The following ZBTB20 variants were observed in gnomAD, a reference collection of about 807,000 sequenced individuals.
ZBTB20 encodes the protein zinc finger and BTB domain-containing protein 20.
Under a neutral mutation model 56.9 loss-of-function variants are expected in ZBTB20, and 9 were observed. The observed-to-expected ratio is 0.16, with a 90% CI of 0.10 to 0.28. The LOEUF is 0.28. ZBTB20 is among the 10% of genes least tolerant of loss of function. The pLI, the probability that ZBTB20 is intolerant of heterozygous loss-of-function variation, is 1.00. For missense variants in ZBTB20, 655 were observed against 1,003.0 expected (o/e 0.65, Z 4.69); for synonymous variants, 417 against 420.7 (o/e 0.99, Z 0.11).
At chr3:114,660,254 G>A (rs1017750943) in intron 6 of ZBTB20, among the ~76,000 whole-genome samples, 1 of 152,086 alleles carries the variant, frequency 6.6e-6, no homozygotes, top group African/African-American at 2.4e-5. Context: ...TCAGGCTTTC[G>A]TTTCCCTCGG....
rs777258949 is a variant in ZBTB20 at position 114,947,806 on chromosome 3, A to G, written c.-456+26560T>C. ...TGTACACCATAATTTTACACAAATA[A>G]AAGATAAAATAAAAAAGTCTTTCCA... On this transcript the variant is annotated intron_variant, in intron 3 of 11. Coordinates refer to ENST00000675478, the MANE Select transcript of ZBTB20 (RefSeq NM_001348800.3). Among the ~76,000 whole-genome samples the G allele has an allele frequency of 8.2e-5, 12 of 146,132 alleles. 1 individual carries two copies. The highest frequency in any genetic ancestry group is 1.3e-4 in the Non-Finnish European group (9 of 67,840).
chr3:114,410,163 G>C (rs2087787980), intron 7 of ZBTB20, among the ~76,000 whole-genome samples: 1 of 152,208 alleles, frequency 6.6e-6, no homozygotes, highest in East Asian at 1.9e-4. Context: ...ATGGATGCCA[G>C]GACATGGGAA....
chr3:114,519,561 G>C (rs1291379823), intron 6 of ZBTB20: 2 of 152,160 alleles, frequency 1.3e-5, no homozygotes, highest in African/African-American at 4.8e-5. Flanking sequence ...GGAAACTTCT[G>C]TCGTGCCAGA....
At chr3:114,726,723 T>A (rs571474753) in intron 5 of ZBTB20, among the ~76,000 whole-genome samples, 2 of 150,888 alleles carry the variant, frequency 1.3e-5, no homozygotes, top group East Asian at 3.9e-4. Context: ...TCATCCTGGC[T>A]AACATGGTGA....
chr3:115,023,653 C>T (rs1209199652), intron 2 of ZBTB20, among the ~76,000 whole-genome samples: 3 of 150,690 alleles, frequency 2.0e-5, no homozygotes, highest in African/African-American at 7.3e-5. Context: ...TACTTTTTTC[C>T]TTTTTTAAAT....
At chr3:114,629,262 TTAATA>T (rs2058806769) in intron 6 of ZBTB20, among the ~76,000 whole-genome samples, 1 of 152,190 alleles carries the variant, frequency 6.6e-6, no homozygotes, top group Admixed American at 6.5e-5. Flanking sequence ...CTTCTATTAA[TTAATA>T]TGAGGATCCA....
chr3:114,796,732 ATAG>A (rs2071364317), intron 5 of ZBTB20, among the ~76,000 whole-genome samples: 1 of 151,994 alleles, frequency 6.6e-6, no homozygotes, highest in South Asian at 2.1e-4. Flanking sequence ...AGAAGCTAGG[ATAG>A]TCAAAAGCAG....
At chr3:114,765,544 T>C (rs180840176) in intron 5 of ZBTB20, among the ~76,000 whole-genome samples, 8 of 152,260 alleles carry the variant, frequency 5.3e-5, no homozygotes, top group Admixed American at 5.2e-4. Flanking sequence ...CCATCCCTTC[T>C]AATAGCTTGA....
At chr3:115,021,046 T>C (rs2080182024) in intron 2 of ZBTB20, among the ~76,000 whole-genome samples, 1 of 151,014 alleles carries the variant, frequency 6.6e-6, no homozygotes, top group Non-Finnish European at 1.5e-5. Flanking sequence ...TGTAGGTTTT[T>C]TATCCTTTAG....
At chr3:114,939,311 C>A (rs553879255) in intron 3 of ZBTB20, among the ~76,000 whole-genome samples, 8 of 146,280 alleles carry the variant, frequency 5.5e-5, no homozygotes, top group Non-Finnish European at 1.0e-4. Context: ...ATTTAAATGT[C>A]CAAGCATAAG....
At chr3:114,343,850 C>A (rs1006021828) in intron 11 of ZBTB20, among the ~76,000 whole-genome samples, 2 of 152,026 alleles carry the variant, frequency 1.3e-5, no homozygotes, top group African/African-American at 4.8e-5. Flanking sequence ...GAGGCCGAGA[C>A]CGGCCTGACC....
chr3:114,400,101 G>C (rs1044252486), intron 7 of ZBTB20, among the ~76,000 whole-genome samples: 2 of 152,114 alleles, frequency 1.3e-5, no homozygotes, highest in Admixed American at 6.6e-5. Context: ...TTGTCAACAA[G>C]CTTTGTAGCA....
At chr3:114,968,827 C>T (rs544902446) in intron 3 of ZBTB20, among the ~76,000 whole-genome samples, 1 of 152,094 alleles carries the variant, frequency 6.6e-6, no homozygotes, top group South Asian at 2.1e-4. Flanking sequence ...TAAAGTAAGC[C>T]AGGTTTACAA....
chr3:114,800,900 C>T (rs189232574), intron 5 of ZBTB20, among the ~76,000 whole-genome samples: 1 of 151,688 alleles, frequency 6.6e-6, no homozygotes, highest in East Asian at 1.9e-4. Context: ...AAAGGATTCA[C>T]AATTTAGGTT....
rs1325858817 is a variant in ZBTB20, at chr3:114,571,140, T to A, written c.-294-70749A>T. Among the ~76,000 whole-genome samples the A allele has an allele frequency of 1.3e-5, 2 of 152,166 alleles. 1 individual carries two copies. The highest frequency in any genetic ancestry group is 2.9e-5 in the Non-Finnish European group (2 of 68,004). On this transcript the variant is annotated intron_variant, in intron 6 of 11. Coordinates refer to ENST00000675478, the MANE Select transcript of ZBTB20 (RefSeq NM_001348800.3). ...AAAATCAAATCTACCCCTCACTAAT[T>A]TGATTTGTAGGAAATGGAGAACAAA... is the stretch of plus-strand genomic sequence containing the variant.
intron 6 of ZBTB20, among the ~76,000 whole-genome samples, chr3:114,569,408 T>C (rs2053165566): frequency 6.6e-6 from 1 of 152,228 alleles, no homozygotes; most frequent in South Asian, 2.1e-4. Context: ...CCAACAAACT[T>C]TGCCACGAAG....
chr3:114,892,148 G>T (rs941986624), intron 4 of ZBTB20, among the ~76,000 whole-genome samples: 2 of 151,966 alleles, frequency 1.3e-5, no homozygotes, highest in South Asian at 4.2e-4. Flanking sequence ...TCATTTTCCT[G>T]CACATAGTAA....
intron 6 of ZBTB20, among the ~76,000 whole-genome samples, chr3:114,636,263 GT>G (rs2059266367): frequency 1.3e-5 from 2 of 152,124 alleles, no homozygotes; most frequent in Admixed American, 6.6e-5. Context: ...CACCATCACT[GT>G]ACCTGCTTTG....
chr3:114,350,913 A>G lies in ZBTB20; in HGVS notation c.1165T>C (p.Ser389Pro). The change falls in exon 11 of 12, where the codon TCG (serine) becomes CCG (proline). Residue 389 changes from serine to proline, a missense_variant. Physicochemically the swap from Ser to Pro is moderately conservative, Grantham distance 74. Coordinates refer to ENST00000675478, the MANE Select transcript of ZBTB20 (RefSeq NM_001348800.3). Reference sequence around the variant, plus strand: ...CCAGGCCCAAACTGCTGCTCCACCGAGTCAGGCTCGGTGCCTATGGAGGAG... The same window carrying G: ...CCAGGCCCAAACTGCTGCTCCACCGGGTCAGGCTCGGTGCCTATGGAGGAG... ...VSSSIGTEPD[S>P]VEQQFGPGAA... is the part of the protein sequence containing the mutation. 6.2e-7 allele frequency: 1 copy of G among 1,605,558 alleles called. No individual in the cohort carries two copies. Among genetic ancestry groups the G allele is most frequent in the South Asian group, 1.1e-5 (1 of 91,012 alleles).
Sources: gnomAD v4.1 joint callset for allele counts (sites outside exome capture counted in the v4.1 genomes callset) on GRCh38, gnomAD v4.1.1 for gene constraint, MANE v1.5 for transcripts, NCBI Gene and HGNC (gene_info 2026-07-23, HGNC 2026-07-21) for gene names.